ACAT1: variants seen among roughly 807,000 people sequenced by gnomAD.
The protein encoded by ACAT1 is acetyl-CoA acetyltransferase 1.
In ACAT1, 28 loss-of-function variants were observed where a neutral mutation model predicts 47.3. The observed-to-expected ratio is 0.59, with a 90% CI of 0.44 to 0.81. ACAT1 has a LOEUF of 0.81. ACAT1 is among the 30% of genes least tolerant of loss of function. The pLI is 0.00. For synonymous variants in ACAT1, 181 were observed against 173.6 expected (o/e 1.04, Z -0.34); for missense variants, 469 against 524.3 (o/e 0.89, Z 1.03).
In ACAT1 at chr11:108,140,328, T is replaced by C. The variant is rs1391479555; in HGVS notation, c.730+113T>C. On this transcript the variant is annotated intron_variant, in intron 7 of 11. Transcript: ENST00000265838. ...GTTCATTTCAACTGCTTATGGTTAA[T>C]AAAAAGTGAAGAGTTGCCAGTTCAG... The C allele has an allele frequency of 4.6e-6, 6 of 1,299,978 alleles. No homozygotes were observed. The Admixed American group carries it at 1.1e-4, about 23-fold the overall frequency. The allele number at this position is 1,299,978 out of a possible 1,614,324, so 80.5% of individuals were successfully genotyped here. A position where few individuals can be genotyped will look rare whatever the true frequency, so the allele number is the denominator to read the frequency against.
intron 8 of ACAT1, 59 bp downstream of exon 8, chr11:108,141,759 T>A (rs2134769220): frequency 8.7e-7 from 1 of 1,151,846 alleles, no homozygotes; most frequent in Middle Eastern, 2.1e-4. Flanking sequence ...TATCTAGTTC[T>A]TAGAATTGCC....
In ACAT1 at chr11:108,147,144, T is replaced by G. The variant is rs1041653917; in HGVS notation, c.1164-126T>G. On this transcript the variant is annotated intron_variant, in intron 11 of 11. Transcript: ENST00000265838. ...CCTCCAAGTTTTAGTTTTAGAATAG[T>G]AGTAGTTAATTCAGCAAGTAGTAGT... The G allele has an allele frequency of 8.1e-6, 9 of 1,106,792 alleles. No homozygotes were observed. The African/African-American group carries it at 1.1e-4, about 13-fold the overall frequency. 68.6% of individuals were successfully genotyped at this position (1,106,792 alleles called of 1,614,324 possible).
intron 3 of ACAT1, 42 bp downstream of exon 3, chr11:108,133,979 A>T: frequency 6.6e-7 from 1 of 1,525,558 alleles, no homozygotes; most frequent in Non-Finnish European, 9.1e-7. Flanking sequence ...GAGCAAAAAG[A>T]TTCCATGGAA....
chr11:108,127,119 A>G (rs1372068411), intron 1 of ACAT1, among the ~76,000 whole-genome samples: 2 of 149,630 alleles, frequency 1.3e-5, no homozygotes, highest in East Asian at 4.0e-4. Flanking sequence ...CCTGGCCACA[A>G]ACAGGTTTTC....
intron 8 of ACAT1, 123 bp from the exon 9 acceptor site, chr11:108,142,314 C>T: frequency 6.6e-6 from 5 of 763,154 alleles, no homozygotes; most frequent in Non-Finnish European, 1.2e-5. Context: ...CAGGAATTGT[C>T]TCCACCCATA....
intron 1 of ACAT1, 32 bp downstream of exon 1, chr11:108,121,710 C>A: frequency 6.5e-7 from 1 of 1,544,772 alleles, no homozygotes; most frequent in Middle Eastern, 2.3e-4. Flanking sequence ...AGCACTCAGA[C>A]CCGGGATGCG....
rs3741054 is a variant in ACAT1, at chr11:108,121,585, C to T, written c.-22C>T. The T allele has an allele frequency of 6.2e-5, 96 of 1,549,516 alleles. No individual in the cohort carries two copies. Among genetic ancestry groups the T allele is most frequent in the Non-Finnish European group, 6.5e-5 (75 of 1,146,416 alleles). On this transcript the variant is annotated 5_prime_UTR_variant, in exon 1 of 12. Coordinates refer to ENST00000265838, the MANE Select transcript of ACAT1 (RefSeq NM_000019.4). ...GGCCGCTAGTCTACGCCTGTGGAGC[C>T]GATACTCAGCCCTCTGCGACCATGG...
intron 6 of ACAT1, 69 bp from the exon 7 acceptor site, chr11:108,139,992 AAGTT>A (rs2134760620): frequency 6.6e-7 from 1 of 1,509,624 alleles, no homozygotes; most frequent in Admixed American, 1.9e-5. Context: ...TAAACACTAT[AAGTT>A]AGGCAAAGTT....
At chr11:108,129,494 G>A (rs1438771098) in intron 1 of ACAT1, among the ~76,000 whole-genome samples, 2 of 151,966 alleles carry the variant, frequency 1.3e-5, no homozygotes, top group African/African-American at 2.4e-5. Context: ...TCAGCTTCCC[G>A]AGTAGCTGGG....
chr11:108,135,748 C>T, intron 5 of ACAT1, among the ~76,000 whole-genome samples: 1 of 151,790 alleles, frequency 6.6e-6, no homozygotes, highest in Non-Finnish European at 1.5e-5. Flanking sequence ...GAGTCACTTG[C>T]ATCTGGGAGG....
At chr11:108,146,810 G>C (rs765675686) in intron 11 of ACAT1, among the ~76,000 whole-genome samples, 7 of 152,150 alleles carry the variant, frequency 4.6e-5, no homozygotes, top group Non-Finnish European at 7.4e-5. Context: ...GGCCAGGCAC[G>C]GTGGCTCACG....
chr11:108,124,199 A>G (rs1210109869), intron 1 of ACAT1, among the ~76,000 whole-genome samples: 1 of 152,086 alleles, frequency 6.6e-6, no homozygotes, highest in Non-Finnish European at 1.5e-5. Context: ...GGCTTTGGTA[A>G]CCTTGCTTCT....
intron 1 of ACAT1, among the ~76,000 whole-genome samples, chr11:108,127,491 A>T (rs1333372019): frequency 1.3e-5 from 2 of 151,822 alleles, no homozygotes; most frequent in East Asian, 3.9e-4. Flanking sequence ...GATGGTCTCT[A>T]TCTCCCGACC....
upstream of ACAT1, among the ~76,000 whole-genome samples, chr11:108,117,093 G>T (rs1565279095): frequency 6.6e-6 from 1 of 152,062 alleles, no homozygotes; most frequent in Non-Finnish European, 1.5e-5. Context: ...GCACATGATA[G>T]ACTAAGCCTA....
At chr11:108,139,192 A>C in intron 6 of ACAT1, 151 bp downstream of exon 6, 2 of 993,490 alleles carry the variant, frequency 2.0e-6, no homozygotes, top group Admixed American at 4.1e-5. Flanking sequence ...TTGTATGCCT[A>C]TTGCATCGGC....
At chr11:108,137,628 A>C (rs762356099) in intron 5 of ACAT1, among the ~76,000 whole-genome samples, 1 of 152,156 alleles carries the variant, frequency 6.6e-6, no homozygotes, top group Non-Finnish European at 1.5e-5. Flanking sequence ...AGCAGCATGA[A>C]TGAAATGAAG....
chr11:108,145,324 A>G (rs1451441256), intron 10 of ACAT1, among the ~76,000 whole-genome samples: 2 of 152,252 alleles, frequency 1.3e-5, no homozygotes, highest in African/African-American at 2.4e-5. Context: ...CAGAAACTGC[A>G]GGGGATGCAT....
chr11:108,131,804 T>C (rs1423377294), intron 1 of ACAT1, 103 bp from the exon 2 acceptor site: 1 of 463,218 alleles, frequency 2.2e-6, no homozygotes. Context: ...AATAAAAGCA[T>C]AAGGATGCAG....
At chr11:108,140,413 G>C (rs1390609744) in intron 7 of ACAT1, among the ~76,000 whole-genome samples, 198 bp downstream of exon 7, 1 of 152,224 alleles carries the variant, frequency 6.6e-6, no homozygotes, top group Admixed American at 6.5e-5. Flanking sequence ...AGATCCCTGA[G>C]TATTACTTTA....
Sources: allele counts gnomAD v4.1 joint callset (sites outside exome capture counted in the v4.1 genomes callset), GRCh38; gene constraint gnomAD v4.1.1; transcripts MANE v1.5; gene names NCBI Gene and HGNC (gene_info 2026-07-23, HGNC 2026-07-21).